SNX29: variants seen among roughly 807,000 people sequenced by gnomAD.
SNX29 encodes the protein sorting nexin-29.
Under a neutral mutation model 102.1 loss-of-function variants are expected in SNX29, and 78 were observed. That is an observed-to-expected ratio of 0.76 (90% CI 0.64 to 0.92). The LOEUF (loss-of-function observed/expected upper bound fraction) is 0.92, where lower values mean the gene tolerates loss of function less well. Ranked by LOEUF, SNX29 falls within the 40% of genes least tolerant of loss-of-function variation. SNX29 has a pLI of 0.00. For missense variants in SNX29, 1,280 were observed against 1,061.7 expected, an observed-to-expected ratio of 1.21 and a Z score of -2.86; for synonymous variants, 580 against 414.5, an observed-to-expected ratio of 1.40 and a Z score of -4.85.
chr16:12,228,470 T>C (rs1319596500), intron 14 of SNX29, among the ~76,000 whole-genome samples: 1 of 151,976 alleles, frequency 6.6e-6, no homozygotes, highest in African/African-American at 2.4e-5. Flanking sequence ...TCTCTCTGCC[T>C]CTGCTCTGGT....
chr16:12,028,142 G>A (rs2057243870), intron 4 of SNX29, among the ~76,000 whole-genome samples: 1 of 152,128 alleles, frequency 6.6e-6, no homozygotes, highest in Non-Finnish European at 1.5e-5. Context: ...GCTGCTGCTG[G>A]GAATCCCGGA....
chr16:12,429,807 T>C lies in SNX29; in HGVS notation c.2037+26278T>C, dbSNP rs1279723929. 3.3e-5 allele frequency among the ~76,000 whole-genome samples: 5 copies of C among 152,328 alleles called. No homozygotes were observed. In the East Asian group the frequency reaches 9.6e-4, roughly 29 times the overall value. On this transcript the variant is annotated intron_variant, in intron 18 of 20. Transcript: ENST00000566228. Reference sequence around the variant, plus strand: ...TACATTCTTTTCCTGAATAGGTTTGTGGTTAGAGGAGCCGGTAGCAGTGTG... The same window carrying C: ...TACATTCTTTTCCTGAATAGGTTTGCGGTTAGAGGAGCCGGTAGCAGTGTG...
chr16:12,322,139 A>C (rs188236374), intron 15 of SNX29, among the ~76,000 whole-genome samples: 9 of 152,310 alleles, frequency 5.9e-5, no homozygotes, highest in Non-Finnish European at 1.0e-4. Flanking sequence ...CTGCAGGTTG[A>C]GAACAAATGC....
At chr16:12,501,752 G>A (rs1371402966) in intron 19 of SNX29, among the ~76,000 whole-genome samples, 22 of 123,698 alleles carry the variant, frequency 1.8e-4, no homozygotes, top group African/African-American at 3.2e-4. Context: ...AAAAAAAAAA[G>A]GCAGTGGTAA....
At chr16:12,188,792 G>C (rs1044475019) in intron 13 of SNX29, among the ~76,000 whole-genome samples, 6 of 152,190 alleles carry the variant, frequency 3.9e-5, no homozygotes, top group Non-Finnish European at 8.8e-5. Flanking sequence ...ATGCCACACA[G>C]CTTAATCCAG....
intron 19 of SNX29, among the ~76,000 whole-genome samples, chr16:12,488,098 T>C (rs2088340570): frequency 6.6e-6 from 1 of 152,204 alleles, no homozygotes; most frequent in Non-Finnish European, 1.5e-5. Flanking sequence ...GTGTGGTTTC[T>C]TGGGAGGACT....
In SNX29 at chr16:12,170,475, G is replaced by A. The variant is rs570050560; in HGVS notation, c.1596-29126G>A. 2.6e-5 allele frequency among the ~76,000 whole-genome samples: 4 copies of A among 151,994 alleles called. No homozygotes were observed. In the South Asian group the frequency reaches 8.4e-4, roughly 32 times the overall value. On this transcript the variant is annotated intron_variant, in intron 13 of 20. Coordinates refer to ENST00000566228, the MANE Select transcript of SNX29 (RefSeq NM_032167.5). ...GAGGTCATCAGTGGGGGAGGCGTGTGGATGGGTGTGCCTGCCTGCTGGTAT... is the reference window on the plus strand; with the variant it reads ...GAGGTCATCAGTGGGGGAGGCGTGTAGATGGGTGTGCCTGCCTGCTGGTAT...
intron 15 of SNX29, among the ~76,000 whole-genome samples, chr16:12,285,919 G>T (rs545010296): frequency 3.3e-4 from 50 of 152,154 alleles, no homozygotes; most frequent in African/African-American, 1.1e-3. Context: ...GCAGTGGTAC[G>T]ATCTCAGCTC....
At chr16:12,512,418 A>ATATAT (rs1555559124) in intron 19 of SNX29, among the ~76,000 whole-genome samples, 8 of 61,000 alleles carry the variant, frequency 1.3e-4, no homozygotes, top group African/African-American at 3.6e-4. Flanking sequence ...ATATATATAT[A>ATATAT]GTTTTCGGTT....
intron 11 of SNX29, among the ~76,000 whole-genome samples, chr16:12,092,647 A>T (rs980746178): frequency 6.6e-6 from 1 of 152,194 alleles, no homozygotes; most frequent in East Asian, 1.9e-4. Context: ...TTCGCAAGCT[A>T]TGAAGTGGAG....
intron 13 of SNX29, among the ~76,000 whole-genome samples, chr16:12,170,572 G>C (rs1198937528): frequency 6.6e-6 from 1 of 151,880 alleles, no homozygotes; most frequent in East Asian, 1.9e-4. Flanking sequence ...TGGGGCTGTG[G>C]GGGTGGAGAA....
chr16:12,395,845 C>T (rs1198829190), intron 16 of SNX29, among the ~76,000 whole-genome samples: 1 of 152,218 alleles, frequency 6.6e-6, no homozygotes. Flanking sequence ...TCAAGTCTAG[C>T]TAATATCTGG....
intron 20 of SNX29, among the ~76,000 whole-genome samples, chr16:12,558,755 T>C (rs954868813): frequency 1.3e-5 from 2 of 152,172 alleles, no homozygotes; most frequent in Non-Finnish European, 2.9e-5. Flanking sequence ...CCCAGGCCCA[T>C]TGGGTGATCA....
At chr16:12,048,108 C>T (rs1023323684) in intron 6 of SNX29, among the ~76,000 whole-genome samples, 1 of 151,758 alleles carries the variant, frequency 6.6e-6, no homozygotes, top group Admixed American at 6.6e-5. Flanking sequence ...CATGACTCAA[C>T]TCCCATGATA....
At chr16:12,079,514 A>T (rs376896766) in intron 11 of SNX29, among the ~76,000 whole-genome samples, 1,050 of 92,486 alleles carry the variant, frequency 0.011, 12 homozygotes, top group African/African-American at 0.055. Context: ...GTTCCCAATT[A>T]AAAAAAAAAA....
chr16:12,212,810 A>G (rs2077221916), intron 14 of SNX29, among the ~76,000 whole-genome samples: 1 of 152,212 alleles, frequency 6.6e-6, no homozygotes, highest in Non-Finnish European at 1.5e-5. Flanking sequence ...TATACATCAT[A>G]CAATACTACT....
chr16:12,383,772 C>CTTTTTTTT (rs58531196), intron 16 of SNX29, among the ~76,000 whole-genome samples: 1 of 105,960 alleles, frequency 9.4e-6, no homozygotes, highest in African/African-American at 3.8e-5. Flanking sequence ...CGTCAACTTT[C>CTTTTTTTT]TTTTTTTTTT....
At chr16:12,107,448 C>T (rs2053308326) in intron 11 of SNX29, among the ~76,000 whole-genome samples, 1 of 151,496 alleles carries the variant, frequency 6.6e-6, no homozygotes, top group Non-Finnish European at 1.5e-5. Flanking sequence ...AGGAGGATCA[C>T]CTGAGGTCAG....
At chr16:12,456,605 T>C (rs924465657) in intron 18 of SNX29, among the ~76,000 whole-genome samples, 1 of 151,798 alleles carries the variant, frequency 6.6e-6, no homozygotes, top group Non-Finnish European at 1.5e-5. Context: ...CACCTGGTAG[T>C]GTGTGCATGG....
Sources: allele counts gnomAD v4.1 joint callset (sites outside exome capture counted in the v4.1 genomes callset), GRCh38; gene constraint gnomAD v4.1.1; transcripts MANE v1.5; gene names NCBI Gene and HGNC (gene_info 2026-07-23, HGNC 2026-07-21).